AGAP1: variants seen among roughly 807,000 people sequenced by gnomAD.
The protein encoded by AGAP1 is arf-GAP with GTPase, ANK repeat and PH domain-containing protein 1.
A neutral mutation model predicts 105.3 loss-of-function variants in AGAP1; 29 were observed. The ratio of observed to expected loss-of-function variants is 0.28; its 90% CI spans 0.21 to 0.38. AGAP1 has a LOEUF of 0.38. Among genes scored for constraint, AGAP1 ranks in the 10% least tolerant of loss-of-function variants. AGAP1 has a pLI of 1.00. For missense variants in AGAP1, 998 were observed against 1,165.1 expected (o/e 0.86, Z 2.09); for synonymous variants, 509 against 485.9 (o/e 1.05, Z -0.63).
rs6431394 is a variant in AGAP1, at chr2:235,638,549, T to C, written c.164-70630T>C. 8.6e-3 allele frequency among the ~76,000 whole-genome samples: 1,304 copies of C among 152,340 alleles called. 18 individuals are homozygous for C. The highest frequency in any genetic ancestry group is 0.029 in the African/African-American group (1,220 of 41,576). Reference sequence around the variant, plus strand: ...AAGTTATAAAATAGTAGGTCACATATAAGCTCAGTTTTGTATTTAAAAACC... The same window carrying C: ...AAGTTATAAAATAGTAGGTCACATACAAGCTCAGTTTTGTATTTAAAAACC... On this transcript the variant is annotated intron_variant, in intron 1 of 17. Transcript: ENST00000304032.
chr2:235,521,046 G>T (rs961758853), intron 1 of AGAP1, among the ~76,000 whole-genome samples: 1 of 152,282 alleles, frequency 6.6e-6, no homozygotes, highest in East Asian at 1.9e-4. Context: ...TAGCAGTCAC[G>T]GTTCTCAGGG....
At position 236,009,507 on chromosome 2, in the gene AGAP1, T is replaced by C. The variant is rs1031652934; in HGVS notation, c.1646-27054T>C. 1.3e-5 allele frequency among the ~76,000 whole-genome samples: 2 copies of C among 152,194 alleles called. No homozygotes were observed. Among genetic ancestry groups the C allele is most frequent in the African/African-American group, 4.8e-5 (2 of 41,428 alleles). On this transcript the variant is annotated intron_variant, in intron 13 of 17. Coordinates refer to ENST00000304032, the MANE Select transcript of AGAP1 (RefSeq NM_001037131.3). This position sits in a 1 kb window ranked among gnomAD's most constrained non-coding sequence, Gnocchi z 4.2. ...TACTGATGGCGTCTTTTTAAATAAATTAATACATGTCTGATGTGGACAGAG... is the reference window on the plus strand; with the variant it reads ...TACTGATGGCGTCTTTTTAAATAAACTAATACATGTCTGATGTGGACAGAG...
Position 236,040,888 on chromosome 2 carries a change from A to G in AGAP1, c.1891+47A>G, listed in dbSNP as rs769135254. On this transcript the variant is annotated intron_variant, in intron 15 of 17. Transcript: ENST00000304032. This position sits in a 1 kb window ranked among gnomAD's most constrained non-coding sequence, Gnocchi z 5.6. ...AGGGGCTGGCGCTGTGTAGCTGGAG[A>G]CCACATGGTCCCACTAGGCCCGGGT... The G allele has an allele frequency of 1.2e-6, 2 of 1,601,408 alleles. No homozygotes were observed. The highest frequency in any genetic ancestry group is 1.7e-6 in the Non-Finnish European group (2 of 1,169,060).
chr2:235,610,491 A>G lies in AGAP1; in HGVS notation c.164-98688A>G, dbSNP rs1174489844. ...CCTTCTTGCTATCCTCACGTGGTGC[A>G]GAGCATGCCAGCTCTCTGCTGTCTC... On this transcript the variant is annotated intron_variant, in intron 1 of 17. Transcript: ENST00000304032. The surrounding 1 kb of genome is among the most constrained non-coding windows in gnomAD (Gnocchi z 4.9). Among the ~76,000 whole-genome samples, 1 of 152,156 alleles carries G rather than the reference A, an allele frequency of 6.6e-6. No individual in the cohort carries two copies. Among genetic ancestry groups the G allele is most frequent in the African/African-American group, 2.4e-5 (1 of 41,436 alleles).
At position 236,027,598 on chromosome 2, in the gene AGAP1, G is replaced by A. The variant is rs1372070759; in HGVS notation, c.1646-8963G>A. ...CACAGTTCAGCCCTGGTCCCCATCA[G>A]CACAGCCTGCCTGGGAGAGGCCAGC... On this transcript the variant is annotated intron_variant, in intron 13 of 17. Transcript: ENST00000304032. The surrounding 1 kb of genome is among the most constrained non-coding windows in gnomAD (Gnocchi z 4.4). 6.6e-6 allele frequency among the ~76,000 whole-genome samples: 1 copy of A among 152,132 alleles called. No individual in the cohort carries two copies. The highest frequency in any genetic ancestry group is 1.5e-5 in the Non-Finnish European group (1 of 68,028).
chr2:235,945,623 G>A (rs1016565438), intron 12 of AGAP1, among the ~76,000 whole-genome samples: 9 of 152,130 alleles, frequency 5.9e-5, no homozygotes, highest in African/African-American at 1.9e-4. Context: ...TTAAAATGCA[G>A]TTAAGCTTTT....
rs753212326 is a variant in AGAP1, at chr2:235,714,748, T to C, written c.223-2809T>C. 2.0e-5 allele frequency among the ~76,000 whole-genome samples: 3 copies of C among 152,134 alleles called. No individual in the cohort carries two copies. The highest frequency in any genetic ancestry group is 6.5e-5 in the Admixed American group (1 of 15,270). ...ATCACTGAGAACCTTTTTTCCACAC[T>C]GTCATGCCAAATTTGTTCTCTTATA... On this transcript the variant is annotated intron_variant, in intron 2 of 17. Transcript: ENST00000304032. The surrounding 1 kb of genome is among the most constrained non-coding windows in gnomAD (Gnocchi z 4.1).
chr2:236,071,098 T>C (rs974755469), intron 16 of AGAP1, among the ~76,000 whole-genome samples: 1 of 152,176 alleles, frequency 6.6e-6, no homozygotes, highest in African/African-American at 2.4e-5. Flanking sequence ...TTTGCCGGCA[T>C]GGAGTGAGAA....
At chr2:235,854,508 ATTC>A (rs1212174159) in intron 9 of AGAP1, among the ~76,000 whole-genome samples, 9 of 152,320 alleles carry the variant, frequency 5.9e-5, no homozygotes, top group Non-Finnish European at 1.3e-4. Context: ...TGGCTGCCTC[ATTC>A]CAGCCTCAGC....
intron 13 of AGAP1, among the ~76,000 whole-genome samples, chr2:236,015,712 G>A (rs971713351): frequency 3.3e-5 from 5 of 152,088 alleles, no homozygotes; most frequent in African/African-American, 1.2e-4. Context: ...GGTATAATAG[G>A]GGGACATTTT....
chr2:236,125,474 G>T lies in AGAP1; in HGVS notation c.*1352G>T, dbSNP rs1283186954. 6.7e-6 allele frequency: 1 copy of T among 149,728 alleles called. No homozygotes were observed. The highest frequency in any genetic ancestry group is 1.5e-5 in the Non-Finnish European group (1 of 67,366). The allele number at this position is 149,728 out of a possible 1,614,324, so 9.3% of individuals were successfully genotyped here. ...CAATTTGCTTATTAAAATTGAGAAA[G>T]AAAAAAAAAGACACACTGGAGTATA... On this transcript the variant is annotated 3_prime_UTR_variant, in exon 18 of 18. Transcript: ENST00000304032. The surrounding 1 kb of genome is among the most constrained non-coding windows in gnomAD (Gnocchi z 5.2).
At chr2:235,706,854 C>G (rs1950560529) in intron 1 of AGAP1, among the ~76,000 whole-genome samples, 1 of 152,170 alleles carries the variant, frequency 6.6e-6, no homozygotes, top group Non-Finnish European at 1.5e-5. Flanking sequence ...CTTTGCAGAT[C>G]CTCTAAGGCC....
rs145619051 is a variant in AGAP1, at chr2:236,109,428, TATA to T, written c.2115-10756_2115-10754del. On this transcript the variant is annotated intron_variant, in intron 16 of 17. Coordinates refer to ENST00000304032, the MANE Select transcript of AGAP1 (RefSeq NM_001037131.3). This position sits in a 1 kb window ranked among gnomAD's most constrained non-coding sequence, Gnocchi z 5.4. ...CATCTTTGTAATTATTATAAATATT[TATA>T]ATAATAAATTATAGATAGTTTTGAT... Among the ~76,000 whole-genome samples the T allele has an allele frequency of 3.4e-3, 525 of 152,198 alleles. No homozygotes were observed. Among genetic ancestry groups the T allele is most frequent in the African/African-American group, 0.012 (502 of 41,560 alleles).
rs1372274714 is a variant in AGAP1 at position 236,061,495 on chromosome 2, C to T, written c.2114+12214C>T. Among the ~76,000 whole-genome samples, 4 of 152,242 alleles carry T rather than the reference C, an allele frequency of 2.6e-5. No individual in the cohort carries two copies. The highest frequency in any genetic ancestry group is 3.4e-3 in the Middle Eastern group (1 of 294). ...ATGGGTGAACAAAACATGGTCTGTC[C>T]GTACACCAGAACGTGATTCTGCCAT... On this transcript the variant is annotated intron_variant, in intron 16 of 17. Transcript: ENST00000304032. The surrounding 1 kb of genome is among the most constrained non-coding windows in gnomAD (Gnocchi z 4.1).
At chr2:235,669,447 G>A (rs1366941147) in intron 1 of AGAP1, among the ~76,000 whole-genome samples, 2 of 151,554 alleles carry the variant, frequency 1.3e-5, no homozygotes, top group African/African-American at 4.8e-5. Context: ...CGGAGGCTCC[G>A]GTCCGCGCTG....
chr2:235,997,360 T>A (rs2055863126), intron 13 of AGAP1, among the ~76,000 whole-genome samples: 1 of 152,218 alleles, frequency 6.6e-6, no homozygotes, highest in Non-Finnish European at 1.5e-5. Flanking sequence ...AAGTGGGGAT[T>A]ACAGGCATGA....
intron 1 of AGAP1, among the ~76,000 whole-genome samples, chr2:235,672,780 T>C (rs1235268722): frequency 2.0e-5 from 3 of 152,212 alleles, no homozygotes; most frequent in Non-Finnish European, 2.9e-5. Context: ...ATGCATTTCA[T>C]TGTGGTCCCT....
At chr2:235,859,386 CA>C (rs2048821271) in intron 9 of AGAP1, among the ~76,000 whole-genome samples, 2 of 89,312 alleles carry the variant, frequency 2.2e-5, no homozygotes, top group Admixed American at 1.2e-4. Context: ...ACTCTCCCCC[CA>C]CAACCTCCCC....
chr2:236,063,152 G>A (rs1051084576), intron 16 of AGAP1, among the ~76,000 whole-genome samples: 4 of 151,952 alleles, frequency 2.6e-5, no homozygotes, highest in Non-Finnish European at 5.9e-5. Flanking sequence ...ACAGTGCAGT[G>A]GCACAATCTC....
Sources: gnomAD v4.1 joint callset for allele counts (sites outside exome capture counted in the v4.1 genomes callset) on GRCh38, gnomAD v4.1.1 for gene constraint, Gnocchi (gnomAD v3.1) non-coding constraint, MANE v1.5 for transcripts, NCBI Gene and HGNC (gene_info 2026-07-23, HGNC 2026-07-21) for gene names.